CNTNAP2: variants seen among roughly 807,000 people sequenced by gnomAD.
The protein encoded by CNTNAP2 is contactin associated protein 2.
Under a neutral mutation model 155.2 loss-of-function variants are expected in CNTNAP2, and 98 were observed. The ratio of observed to expected loss-of-function variants is 0.63; its 90% CI spans 0.54 to 0.75. The LOEUF (loss-of-function observed/expected upper bound fraction) is 0.75, where lower values mean the gene tolerates loss of function less well. Among genes scored for constraint, CNTNAP2 ranks in the 30% least tolerant of loss-of-function variants. The pLI is 0.00. For synonymous variants in CNTNAP2, 651 were observed against 631.2 expected (o/e 1.03, Z -0.47); for missense variants, 1,727 against 1,688.1 (o/e 1.02, Z -0.40).
chr7:146,550,300 T>A (rs1282623460), intron 1 of CNTNAP2, among the ~76,000 whole-genome samples: 1 of 150,348 alleles, frequency 6.7e-6, no homozygotes, highest in African/African-American at 2.4e-5. Flanking sequence ...CAAACTCAAC[T>A]CATCATTGAC....
chr7:147,612,808 C>T (rs1231717485), intron 12 of CNTNAP2, among the ~76,000 whole-genome samples: 1 of 152,100 alleles, frequency 6.6e-6, no homozygotes, highest in Non-Finnish European at 1.5e-5. Flanking sequence ...ATTAAATGCT[C>T]CTCTTACTTG....
chr7:146,161,680 AC>A (rs1381418330), intron 1 of CNTNAP2, among the ~76,000 whole-genome samples: 1 of 152,166 alleles, frequency 6.6e-6, no homozygotes, highest in Non-Finnish European at 1.5e-5. Context: ...TTCATATGGA[AC>A]CAAAAAGAGC....
chr7:146,982,484 CTT>C (rs1281397360), intron 3 of CNTNAP2, among the ~76,000 whole-genome samples: 1 of 152,104 alleles, frequency 6.6e-6, no homozygotes, highest in Non-Finnish European at 1.5e-5. Flanking sequence ...GTTTAGCACT[CTT>C]TGAAAGTCTT....
chr7:147,090,353 T>TGTG (rs760274084), intron 4 of CNTNAP2, among the ~76,000 whole-genome samples: 180 of 133,566 alleles, frequency 1.3e-3, no homozygotes, highest in African/African-American at 4.1e-3. Flanking sequence ...GTGTGTGTGT[T>TGTG]ACAATTCTCT....
At chr7:147,525,834 AG>A (rs547095957) in intron 11 of CNTNAP2, among the ~76,000 whole-genome samples, 2 of 152,318 alleles carry the variant, frequency 1.3e-5, no homozygotes, top group South Asian at 4.1e-4. Flanking sequence ...ATTTTCCAAC[AG>A]AAACTTTTTC....
At position 147,678,041 on chromosome 7, in the gene CNTNAP2, G is replaced by T. The variant is rs12111974; in HGVS notation, c.2098+38735G>T. ...AGGGTATATAATACAATTAATAAAT[G>T]CATATATAATTATATGTCTTTTCAA... is the stretch of plus-strand genomic sequence containing the variant. On this transcript the variant is annotated intron_variant, in intron 13 of 23. Coordinates refer to ENST00000361727, the MANE Select transcript of CNTNAP2 (RefSeq NM_014141.6). 6.1e-3 allele frequency among the ~76,000 whole-genome samples: 923 copies of T among 151,762 alleles called. 12 individuals are homozygous for T. The highest frequency in any genetic ancestry group is 0.021 in the African/African-American group (884 of 41,448).
chr7:147,802,637 G>A (rs894543282), intron 13 of CNTNAP2, among the ~76,000 whole-genome samples: 10 of 152,068 alleles, frequency 6.6e-5, no homozygotes, highest in Admixed American at 1.3e-4. Context: ...CCAGTCAGGC[G>A]TGGCGGCGCG....
chr7:146,837,779 T>C (rs1803646494), intron 2 of CNTNAP2, among the ~76,000 whole-genome samples: 1 of 152,204 alleles, frequency 6.6e-6, no homozygotes, highest in South Asian at 2.1e-4. Flanking sequence ...AGACTAGCCC[T>C]CATATTAGGA....
chr7:146,800,671 CA>C (rs1024559586), intron 2 of CNTNAP2, among the ~76,000 whole-genome samples: 1 of 152,108 alleles, frequency 6.6e-6, no homozygotes, highest in Non-Finnish European at 1.5e-5. Context: ...ATTTAGTTGA[CA>C]GGGGTGAACA....
rs73744143 is a variant in CNTNAP2, at chr7:147,550,849, T to C, written c.1778-11289T>C. The stretch of plus-strand genomic sequence containing the variant: ...AATTGTTCTGTGAAAATATATGTAC[T>C]ATATGTACATATAGATATAGTATAT... On this transcript the variant is annotated intron_variant, in intron 11 of 23. Transcript: ENST00000361727. Among the ~76,000 whole-genome samples, 1,420 of 152,306 alleles carry C rather than the reference T, an allele frequency of 9.3e-3. 23 individuals carry two copies. Among genetic ancestry groups the C allele is most frequent in the African/African-American group, 0.032 (1,348 of 41,562 alleles).
intron 3 of CNTNAP2, among the ~76,000 whole-genome samples, chr7:146,950,632 T>C (rs907418869): frequency 1.5e-4 from 23 of 152,228 alleles, no homozygotes; most frequent in African/African-American, 5.3e-4. Context: ...CTCATTCTTT[T>C]CTATGGCTGC....
intron 11 of CNTNAP2, among the ~76,000 whole-genome samples, chr7:147,532,530 A>C (rs1350820241): frequency 6.6e-6 from 1 of 152,152 alleles, no homozygotes; most frequent in Non-Finnish European, 1.5e-5. Flanking sequence ...CCTGTTACCC[A>C]GTTCCAAAGT....
intron 8 of CNTNAP2, among the ~76,000 whole-genome samples, chr7:147,138,441 A>G (rs566361667): frequency 1.3e-5 from 2 of 152,064 alleles, no homozygotes; most frequent in African/African-American, 4.8e-5. Context: ...TGAGAGCCAC[A>G]TGGTACCAAG....
chr7:147,194,141 C>T (rs1331323488), intron 8 of CNTNAP2, among the ~76,000 whole-genome samples: 1 of 151,384 alleles, frequency 6.6e-6, no homozygotes, highest in Non-Finnish European at 1.5e-5. Context: ...TCCATGTGCT[C>T]TCATTGTTCA....
intron 1 of CNTNAP2, among the ~76,000 whole-genome samples, chr7:146,622,269 ATCTATC>A (rs750989368): frequency 3.0e-4 from 33 of 109,512 alleles, no homozygotes; most frequent in African/African-American, 1.6e-3. Context: ...CTATCTATCT[ATCTATC>A]TATCTATATA....
chr7:147,308,787 T>C (rs1274737705), intron 9 of CNTNAP2, among the ~76,000 whole-genome samples: 2 of 152,198 alleles, frequency 1.3e-5, no homozygotes, highest in Non-Finnish European at 2.9e-5. Context: ...CTAGTTTCTT[T>C]TGATGGGTTC....
At chr7:146,496,867 C>A (rs1415796735) in intron 1 of CNTNAP2, among the ~76,000 whole-genome samples, 1 of 152,146 alleles carries the variant, frequency 6.6e-6, no homozygotes, top group Non-Finnish European at 1.5e-5. Context: ...AGACTTAAAT[C>A]ATCCAACTGC....
chr7:146,561,649 C>A (rs1323995346), intron 1 of CNTNAP2, among the ~76,000 whole-genome samples: 1 of 152,116 alleles, frequency 6.6e-6, no homozygotes, highest in African/African-American at 2.4e-5. Context: ...CAGAGCCAAA[C>A]CTTGTCTCAA....
intron 2 of CNTNAP2, among the ~76,000 whole-genome samples, chr7:146,792,348 A>G (rs1179032802): frequency 1.3e-5 from 2 of 152,202 alleles, no homozygotes; most frequent in African/African-American, 2.4e-5. Context: ...AAGCTGATCT[A>G]CATTTGGCTT....
Sources: gnomAD v4.1 joint callset for allele counts (sites outside exome capture counted in the v4.1 genomes callset) on GRCh38, gnomAD v4.1.1 for gene constraint, MANE v1.5 for transcripts, NCBI Gene and HGNC (gene_info 2026-07-23, HGNC 2026-07-21) for gene names.